ACTN1: variants seen among roughly 807,000 people sequenced by gnomAD.
The protein encoded by ACTN1 is actinin alpha 1.
A neutral mutation model predicts 119.6 loss-of-function variants in ACTN1; 30 were observed. The observed-to-expected ratio is 0.25, with a 90% confidence interval of 0.19 to 0.34. The LOEUF (loss-of-function observed/expected upper bound fraction) is 0.34, where lower values mean the gene tolerates loss of function less well. Among genes scored for constraint, ACTN1 ranks in the 10% least tolerant of loss-of-function variants. The probability of loss-of-function intolerance (pLI) is 1.00; values close to 1 mark genes in which losing one functional copy is unlikely to be tolerated. For synonymous variants in ACTN1, 429 were observed against 472.6 expected (o/e 0.91, Z 1.20); for missense variants, 764 against 1,223.4 (o/e 0.62, Z 5.60).
chr14:68,904,586 C>A, intron 7 of ACTN1, 69 bp downstream of exon 7: 1 of 1,460,100 alleles, frequency 6.8e-7, no homozygotes, highest in South Asian at 1.1e-5. Context: ...TGCTGGGGTC[C>A]ACCCCTTCTT....
chr14:68,945,161 T>C (rs1250335233), intron 1 of ACTN1, among the ~76,000 whole-genome samples: 1 of 59,288 alleles, frequency 1.7e-5, no homozygotes, highest in African/African-American at 1.1e-4. Context: ...AAGACTCCGG[T>C]TCAAAAAAAA....
chr14:68,925,322 T>C lies in ACTN1; in HGVS notation c.220+236A>G, dbSNP rs1594823602. Among the ~76,000 whole-genome samples, 2 of 147,588 alleles carry C rather than the reference T, an allele frequency of 1.4e-5. No homozygotes were observed. Among genetic ancestry groups the C allele is most frequent in the South Asian group, 4.3e-4 (2 of 4,620 alleles). On this transcript the variant is annotated intron_variant, in intron 2 of 21. Coordinates refer to ENST00000394419, the MANE Select transcript of ACTN1 (RefSeq NM_001130004.2). The surrounding 1 kb of genome is among the most constrained non-coding windows in gnomAD (Gnocchi z 4.3). ...GAACCTCAGTTCCTTCAAACCCTTT[T>C]TTTTTTTTTTTTTTTTTTTAAAACA...
chr14:68,951,376 G>A (rs2036162631), intron 1 of ACTN1, among the ~76,000 whole-genome samples: 1 of 152,204 alleles, frequency 6.6e-6, no homozygotes, highest in South Asian at 2.1e-4. Flanking sequence ...CCAGAGTGAG[G>A]AGGGAGAGAA....
intron 21 of ACTN1, 171 bp from the exon 22 acceptor site, chr14:68,875,188 C>A: frequency 1.4e-6 from 2 of 1,478,424 alleles, no homozygotes; most frequent in South Asian, 1.3e-5. Flanking sequence ...ATGTACATAC[C>A]GCATACACAA....
intron 1 of ACTN1, among the ~76,000 whole-genome samples, chr14:68,930,969 CA>C (rs2035197425): frequency 6.6e-6 from 1 of 152,082 alleles, no homozygotes; most frequent in Non-Finnish European, 1.5e-5. Flanking sequence ...ACTAAGGACA[CA>C]AAAAAGAGAG....
intron 11 of ACTN1, among the ~76,000 whole-genome samples, chr14:68,888,709 C>T (rs1421788336): frequency 6.6e-6 from 1 of 152,106 alleles, no homozygotes. Context: ...AGCTCCGCCT[C>T]CTGTTGTGTC....
chr14:68,899,973 G>A (rs1011428859), intron 8 of ACTN1, among the ~76,000 whole-genome samples: 4 of 152,132 alleles, frequency 2.6e-5, no homozygotes, highest in Admixed American at 2.6e-4. Flanking sequence ...AGCAGGAGAT[G>A]TGGGAAGGAC....
At chr14:68,895,899 T>C (rs541881026) in intron 8 of ACTN1, among the ~76,000 whole-genome samples, 85 of 152,260 alleles carry the variant, frequency 5.6e-4, no homozygotes, top group African/African-American at 2.0e-3. Flanking sequence ...CCCTTCTGGA[T>C]GAAGTCTGGG....
intron 11 of ACTN1, chr14:68,888,244 T>G (rs1350391369): frequency 5.4e-6 from 2 of 370,304 alleles, no homozygotes; most frequent in African/African-American, 4.2e-5. Flanking sequence ...TGTAGTAAAA[T>G]TGGTAGAACT....
intron 8 of ACTN1, among the ~76,000 whole-genome samples, chr14:68,894,742 T>A (rs2032751315): frequency 6.6e-6 from 1 of 151,990 alleles, no homozygotes; most frequent in African/African-American, 2.4e-5. Flanking sequence ...CAGACATGCA[T>A]CCTGAGACCC....
intron 1 of ACTN1, among the ~76,000 whole-genome samples, chr14:68,948,159 T>TC (rs1487586451): frequency 1.1e-4 from 17 of 151,478 alleles, no homozygotes; most frequent in African/African-American, 3.4e-4. Context: ...CTGCAGGGAG[T>TC]CCCCCCCAGG....
At chr14:68,949,733 C>T (rs1326931742) in intron 1 of ACTN1, among the ~76,000 whole-genome samples, 1 of 152,142 alleles carries the variant, frequency 6.6e-6, no homozygotes, top group African/African-American at 2.4e-5. Context: ...AACGGAGAAA[C>T]CAAACATGGT....
At chr14:68,941,471 C>A (rs1332243233) in intron 1 of ACTN1, among the ~76,000 whole-genome samples, 1 of 152,170 alleles carries the variant, frequency 6.6e-6, no homozygotes, top group Non-Finnish European at 1.5e-5. Context: ...CGGATTTGGG[C>A]ACAGAAGAGC....
intron 1 of ACTN1, among the ~76,000 whole-genome samples, chr14:68,931,751 G>A (rs956049281): frequency 5.3e-5 from 8 of 152,116 alleles, no homozygotes; most frequent in African/African-American, 1.9e-4. Flanking sequence ...CCACACACAG[G>A]CTCCAAAAAT....
Position 68,882,958 on chromosome 14 carries a change from A to G in ACTN1, c.1733T>C (p.Ile578Thr). 2 of 1,614,178 alleles carry G rather than the reference A, an allele frequency of 1.2e-6. No individual in the cohort carries two copies. The highest frequency in any genetic ancestry group is 1.7e-6 in the Non-Finnish European group (2 of 1,180,042). ...ILGIHNEVSK[I>T]VQTYHVNMAG... Reference sequence around the variant, plus strand: ...CATATTGACGTGGTAGGTCTGGACAATCTTGGACACCTCATTGTGGATGCC... The same window carrying G: ...CATATTGACGTGGTAGGTCTGGACAGTCTTGGACACCTCATTGTGGATGCC... Residue 578 changes from isoleucine (I) to threonine (T), a missense_variant, in exon 15 of 22, where the codon ATT (isoleucine) becomes ACT (threonine). Coordinates refer to ENST00000394419, the MANE Select transcript of ACTN1 (RefSeq NM_001130004.2). The surrounding 1 kb of genome is among the most constrained non-coding windows in gnomAD (Gnocchi z 4.5).
intron 7 of ACTN1, 120 bp downstream of exon 7, chr14:68,904,535 C>T (rs1184049518): frequency 1.2e-5 from 9 of 767,170 alleles, no homozygotes; most frequent in South Asian, 3.4e-5. Context: ...TCCTCAAATG[C>T]GGTCCCAGAA....
intron 3 of ACTN1, among the ~76,000 whole-genome samples, chr14:68,916,477 CAG>C (rs1182072644): frequency 2.6e-5 from 4 of 152,218 alleles, no homozygotes; most frequent in Non-Finnish European, 5.9e-5. Context: ...CTCCAGAAAA[CAG>C]AGGCGCCAAG....
Position 68,880,948 on chromosome 14 carries a change from C to T in ACTN1, c.1995G>A (p.Glu665=). The T allele has an allele frequency of 1.2e-6, 2 of 1,614,134 alleles. No homozygotes were observed. Among genetic ancestry groups the T allele is most frequent in the Non-Finnish European group, 1.7e-6 (2 of 1,180,020 alleles). Residue 665 remains glutamate, a synonymous_variant, in exon 17 of 22, where the codon GAG becomes GAA. Transcript: ENST00000394419. The surrounding 1 kb of genome is among the most constrained non-coding windows in gnomAD (Gnocchi z 4.6). ...RISIEMHGTL[E]DQLSHLRQYE... ...ACTGCCGCAGGTGGCTGAGCTGGTCCTCCAGGGTCCCATGCATCTCAATGG... is the reference window on the plus strand; with the variant it reads ...ACTGCCGCAGGTGGCTGAGCTGGTCTTCCAGGGTCCCATGCATCTCAATGG...
chr14:68,964,062 T>C (rs1279095722), intron 1 of ACTN1, among the ~76,000 whole-genome samples: 2 of 152,168 alleles, frequency 1.3e-5, no homozygotes, highest in African/African-American at 2.4e-5. Flanking sequence ...GAATTAAATA[T>C]CTATTGGCAT....
Sources: allele counts gnomAD v4.1 joint callset (sites outside exome capture counted in the v4.1 genomes callset), GRCh38; gene constraint gnomAD v4.1.1; non-coding constraint Gnocchi (gnomAD v3.1); transcripts MANE v1.5; gene names NCBI Gene and HGNC (gene_info 2026-07-23, HGNC 2026-07-21).